TIGAR: variants seen among roughly 807,000 people sequenced by gnomAD.
TIGAR encodes TP53 induced glycolysis regulatory phosphatase, also known as fructose-2,6-bisphosphatase TIGAR.
A neutral mutation model predicts 17.9 loss-of-function variants in TIGAR; 7 were observed. The observed-to-expected ratio is 0.39, with a 90% confidence interval of 0.22 to 0.73. The LOEUF (loss-of-function observed/expected upper bound fraction) is 0.73, where lower values mean the gene tolerates loss of function less well. Among genes scored for constraint, TIGAR ranks in the 30% least tolerant of loss-of-function variants. The pLI is 0.42. For synonymous variants in TIGAR, 94 were observed against 108.6 expected (o/e 0.87, Z 0.84); for missense variants, 258 against 327.4 (o/e 0.79, Z 1.64).
At chr12:4,343,126 A>G (rs1256288739) in intron 3 of TIGAR, among the ~76,000 whole-genome samples, 1 of 152,232 alleles carries the variant, frequency 6.6e-6, no homozygotes, top group Non-Finnish European at 1.5e-5. Context: ...AGCAAAGATC[A>G]GAAGAGACAA....
chr12:4,337,763 G>T (rs1864676036), intron 3 of TIGAR, among the ~76,000 whole-genome samples: 1 of 152,194 alleles, frequency 6.6e-6, no homozygotes. Flanking sequence ...ACCAGATAGA[G>T]TAAGAAACCA....
chr12:4,341,147 A>G (rs944131638), intron 3 of TIGAR, among the ~76,000 whole-genome samples: 3 of 152,238 alleles, frequency 2.0e-5, no homozygotes, highest in Admixed American at 6.5e-5. Context: ...CCATCTGACA[A>G]GGGATTAATA....
chr12:4,335,675 A>G (rs995390633), intron 2 of TIGAR: 2 of 152,262 alleles, frequency 1.3e-5, no homozygotes, highest in Non-Finnish European at 2.9e-5. Context: ...ATCTGTTGTT[A>G]ACAAGTCACC....
chr12:4,332,000 T>C lies in TIGAR; in HGVS notation c.70+683T>C, dbSNP rs138564566. On this transcript the variant is annotated intron_variant, in intron 2 of 5. Transcript: ENST00000179259. ...CTGACTCCCTTTTATGGACAATAAC[T>C]GGTCTGATTCTCAAAGGAACCTTTG... Among the ~76,000 whole-genome samples, 25 of 152,330 alleles carry C rather than the reference T, an allele frequency of 1.6e-4. No individual in the cohort carries two copies. The East Asian group carries it at 3.5e-3, about 21-fold the overall frequency.
In TIGAR at chr12:4,343,161, A is replaced by T. The variant is rs373053501; in HGVS notation, c.192+6001A>T. On this transcript the variant is annotated intron_variant, in intron 3 of 5. Transcript: ENST00000179259. The stretch of plus-strand genomic sequence containing the variant: ...AAGGCCATTACATAATGGTAAAGGG[A>T]TCAATTCAACAAGAAGTGCTAACTA... 5.9e-5 allele frequency among the ~76,000 whole-genome samples: 9 copies of T among 152,348 alleles called. No individual in the cohort carries two copies. In the East Asian group the frequency reaches 1.5e-3, roughly 26 times the overall value.
intron 3 of TIGAR, among the ~76,000 whole-genome samples, chr12:4,342,707 G>A (rs1239672769): frequency 6.6e-6 from 1 of 152,130 alleles, no homozygotes; most frequent in Non-Finnish European, 1.5e-5. Context: ...GGCACCACCA[G>A]GCCTGCCCTA....
intron 3 of TIGAR, among the ~76,000 whole-genome samples, chr12:4,343,709 C>T (rs958356548): frequency 5.9e-5 from 9 of 152,192 alleles, no homozygotes; most frequent in Non-Finnish European, 8.8e-5. Flanking sequence ...ATACCAGAAT[C>T]TCTGGGACAC....
chr12:4,337,510 A>G (rs1412853442), intron 3 of TIGAR, among the ~76,000 whole-genome samples: 1 of 152,236 alleles, frequency 6.6e-6, no homozygotes, highest in African/African-American at 2.4e-5. Flanking sequence ...AAGTCTCAAC[A>G]ATTGTATAAT....
chr12:4,351,227 A>C, intron 4 of TIGAR, 40 bp from the exon 5 acceptor site: 1 of 1,576,692 alleles, frequency 6.3e-7, no homozygotes, highest in Non-Finnish European at 8.7e-7. Context: ...GTTATATTGC[A>C]ATTTCATTTG....
chr12:4,326,523 C>T (rs1864548191), intron 1 of TIGAR, among the ~76,000 whole-genome samples: 1 of 152,102 alleles, frequency 6.6e-6, no homozygotes, highest in African/African-American at 2.4e-5. Flanking sequence ...CGCAAAAATG[C>T]CAAATAGAAC....
rs1346849255 is a variant in TIGAR, at chr12:4,352,368, A to G, written c.490A>G (p.Thr164Ala). Reference sequence around the variant, plus strand: ...AGGATCTCCAAGCAACTGTCTGGAAACTTCTTTGGCAGAGATATTTCCTTT... The same window carrying G: ...AGGATCTCCAAGCAACTGTCTGGAAGCTTCTTTGGCAGAGATATTTCCTTT... ...SQGSPSNCLE[T>A]SLAEIFPLGK... Residue 164 changes from threonine to alanine, a missense_variant, in exon 6 of 6, where the codon ACT becomes GCT. By Grantham distance (58) the Thr-to-Ala change is moderately conservative (BLOSUM62 0). Transcript: ENST00000179259. The G allele has an allele frequency of 6.2e-7, 1 of 1,614,194 alleles. No homozygotes were observed. The highest frequency in any genetic ancestry group is 1.1e-5 in the South Asian group (1 of 91,086).
At chr12:4,324,709 G>A (rs1355120231) in intron 1 of TIGAR, 4 of 839,862 alleles carry the variant, frequency 4.8e-6, no homozygotes, top group South Asian at 2.9e-5. Context: ...GTACAGCTGC[G>A]TCAGCTGCTC....
chr12:4,330,363 A>T (rs1264173804), intron 1 of TIGAR, among the ~76,000 whole-genome samples: 1 of 152,224 alleles, frequency 6.6e-6, no homozygotes, highest in East Asian at 1.9e-4. Context: ...TGAGGGTGGT[A>T]CACCACACTA....
chr12:4,346,272 T>G (rs113349006), intron 3 of TIGAR, among the ~76,000 whole-genome samples: 1 of 152,266 alleles, frequency 6.6e-6, no homozygotes, highest in East Asian at 1.9e-4. Context: ...ACCCAAAGGA[T>G]TATAAATCAT....
intron 3 of TIGAR, among the ~76,000 whole-genome samples, chr12:4,343,016 G>A (rs547178388): frequency 2.6e-5 from 4 of 152,170 alleles, no homozygotes; most frequent in Non-Finnish European, 2.9e-5. Context: ...GACACACCTA[G>A]GCTCAAAATA....
intron 3 of TIGAR, among the ~76,000 whole-genome samples, chr12:4,345,500 A>C (rs371702697): frequency 2.0e-5 from 3 of 152,182 alleles, no homozygotes; most frequent in African/African-American, 7.2e-5. Context: ...CAAAAACAAG[A>C]AATGGGGAAA....
chr12:4,349,646 T>C (rs1254305396), intron 3 of TIGAR, among the ~76,000 whole-genome samples, 173 bp from the exon 4 acceptor site: 3 of 152,192 alleles, frequency 2.0e-5, no homozygotes, highest in African/African-American at 4.8e-5. Context: ...CTCGATCTCC[T>C]GACCTCATGA....
intron 1 of TIGAR, chr12:4,324,514 C>T (rs1864516434): frequency 1.2e-5 from 20 of 1,609,138 alleles, no homozygotes; most frequent in Admixed American, 1.7e-5. Flanking sequence ...GAAGGTCTTG[C>T]CGTTGTAGAC....
At chr12:4,325,053 C>T (rs1014635486) in intron 1 of TIGAR, among the ~76,000 whole-genome samples, 2 of 151,614 alleles carry the variant, frequency 1.3e-5, no homozygotes, top group African/African-American at 4.8e-5. Context: ...AGCGATTCTC[C>T]TGCTTCAGCC....
Sources: gnomAD v4.1 joint callset for allele counts (sites outside exome capture counted in the v4.1 genomes callset) on GRCh38, gnomAD v4.1.1 for gene constraint, MANE v1.5 for transcripts, NCBI Gene and HGNC (gene_info 2026-07-23, HGNC 2026-07-21) for gene names.